Variants in CAB39L observed in about 807,000 individuals in gnomAD.
CAB39L encodes the protein calcium-binding protein 39-like.
CAB39L carries 23 observed loss-of-function variants against 39.1 expected under a neutral mutation model. That is an observed-to-expected ratio of 0.59 (90% CI 0.42 to 0.83). CAB39L has a LOEUF of 0.83. Ranked by LOEUF, CAB39L falls within the 40% of genes least tolerant of loss-of-function variation. The probability of loss-of-function intolerance (pLI) is 0.00; values close to 1 mark genes in which losing one functional copy is unlikely to be tolerated. For missense variants in CAB39L, 366 were observed against 391.9 expected (o/e 0.93, Z 0.56); for synonymous variants, 126 against 137.2 (o/e 0.92, Z 0.57).
At chr13:49,336,440 C>T (rs1954849855) in intron 9 of CAB39L, among the ~76,000 whole-genome samples, 1 of 152,136 alleles carries the variant, frequency 6.6e-6, no homozygotes, top group Non-Finnish European at 1.5e-5. Context: ...GGAGGAATAG[C>T]AGCCAAATGG....
At chr13:49,316,548 G>A (rs1238909655) in intron 10 of CAB39L, among the ~76,000 whole-genome samples, 1 of 152,104 alleles carries the variant, frequency 6.6e-6, no homozygotes, top group Non-Finnish European at 1.5e-5. Flanking sequence ...TATTCTCTAT[G>A]AATAAAAATG....
At chr13:49,355,526 G>A (rs1955460727) in intron 6 of CAB39L, among the ~76,000 whole-genome samples, 1 of 152,106 alleles carries the variant, frequency 6.6e-6, no homozygotes, top group South Asian at 2.1e-4. Context: ...ATCCTTGGTA[G>A]AAATTTCAGG....
At chr13:49,438,176 T>C (rs983000907) in intron 1 of CAB39L, among the ~76,000 whole-genome samples, 2 of 152,036 alleles carry the variant, frequency 1.3e-5, no homozygotes, top group Non-Finnish European at 2.9e-5. Context: ...CACTTCTGAG[T>C]ATGTTTAAGC....
intron 3 of CAB39L, among the ~76,000 whole-genome samples, chr13:49,431,321 G>C (rs1337945089): frequency 6.6e-6 from 1 of 152,150 alleles, no homozygotes; most frequent in Non-Finnish European, 1.5e-5. Flanking sequence ...AAATATTGCT[G>C]AGGAGTATTC....
At position 49,429,075 on chromosome 13, in the gene CAB39L, T is replaced by A. The variant is rs146657536; in HGVS notation, c.-32+4243A>T. On this transcript the variant is annotated intron_variant, in intron 3 of 10. Coordinates refer to ENST00000409308, the MANE Select transcript of CAB39L (RefSeq NM_001079670.3). The stretch of plus-strand genomic sequence containing the variant: ...ATATCCAGACTGTTCATATGTATTC[T>A]TTACAATAGCCTTGAAAGAAAACTA... 2.3e-4 allele frequency among the ~76,000 whole-genome samples: 35 copies of A among 152,336 alleles called. 1 individual carries two copies. In the South Asian group the frequency reaches 2.7e-3, roughly 12 times the overall value.
chr13:49,384,491 T>C (rs529426164), intron 3 of CAB39L, among the ~76,000 whole-genome samples: 1 of 152,320 alleles, frequency 6.6e-6, no homozygotes, highest in Middle Eastern at 3.4e-3. Flanking sequence ...CTTAATGGCA[T>C]CTAGAATGAT....
At chr13:49,391,941 T>C (rs1373068213) in intron 3 of CAB39L, among the ~76,000 whole-genome samples, 1 of 139,320 alleles carries the variant, frequency 7.2e-6, no homozygotes, top group Non-Finnish European at 1.6e-5. Context: ...AACTCTCAAA[T>C]TGGGTTCACA....
chr13:49,384,619 T>G (rs1956319425), intron 3 of CAB39L, among the ~76,000 whole-genome samples: 1 of 152,218 alleles, frequency 6.6e-6, no homozygotes, highest in African/African-American at 2.4e-5. Flanking sequence ...TTAACTTTTA[T>G]TAGAACAATA....
intron 5 of CAB39L, among the ~76,000 whole-genome samples, chr13:49,371,651 C>A (rs1955921823): frequency 6.6e-6 from 1 of 151,984 alleles, no homozygotes; most frequent in African/African-American, 2.4e-5. Context: ...GGCTGGAGTG[C>A]AGTAGCACAA....
chr13:49,322,436 G>A (rs981375888), intron 10 of CAB39L, among the ~76,000 whole-genome samples: 2 of 152,318 alleles, frequency 1.3e-5, no homozygotes, highest in African/African-American at 4.8e-5. Context: ...GCTCATTACA[G>A]TTGCTACTTC....
chr13:49,417,172 C>A (rs1268676055), intron 3 of CAB39L, among the ~76,000 whole-genome samples: 1 of 152,140 alleles, frequency 6.6e-6, no homozygotes, highest in African/African-American at 2.4e-5. Flanking sequence ...AGATAGTGGG[C>A]ACTTTATATT....
chr13:49,409,915 A>C (rs1956955820), intron 3 of CAB39L, among the ~76,000 whole-genome samples: 1 of 151,834 alleles, frequency 6.6e-6, no homozygotes, highest in African/African-American at 2.4e-5. Flanking sequence ...TCTATTTAAA[A>C]AAAAAAAAAA....
intron 10 of CAB39L, among the ~76,000 whole-genome samples, chr13:49,321,357 C>T (rs932208418): frequency 2.0e-5 from 3 of 152,106 alleles, no homozygotes; most frequent in African/African-American, 4.8e-5. Flanking sequence ...ATGAGATGAT[C>T]GCCATTTCAA....
At position 49,373,867 on chromosome 13, in the gene CAB39L, C is replaced by T. The variant is rs116151065; in HGVS notation, c.276+3100G>A. On this transcript the variant is annotated intron_variant, in intron 5 of 10. Coordinates refer to ENST00000409308, the MANE Select transcript of CAB39L (RefSeq NM_001079670.3). ...GTCAGAAGGAATTTTATCAAGCTGT[C>T]AGTAGCTTACATAGATACTTTAGGC... Among the ~76,000 whole-genome samples the T allele has an allele frequency of 4.7e-3, 710 of 152,310 alleles. 13 individuals carry two copies. Among genetic ancestry groups the T allele is most frequent in the African/African-American group, 0.017 (692 of 41,564 alleles).
intron 5 of CAB39L, among the ~76,000 whole-genome samples, chr13:49,372,771 C>A (rs898283078): frequency 2.2e-4 from 34 of 152,048 alleles, no homozygotes; most frequent in Middle Eastern, 3.2e-3. Flanking sequence ...CCTGGGTTCA[C>A]GCCATTCTCC....
chr13:49,366,899 C>T (rs1955790144), intron 5 of CAB39L, among the ~76,000 whole-genome samples: 1 of 151,964 alleles, frequency 6.6e-6, no homozygotes, highest in Admixed American at 6.6e-5. Flanking sequence ...GCCTGTAATC[C>T]CAGCTACTCG....
intron 3 of CAB39L, among the ~76,000 whole-genome samples, chr13:49,411,413 A>G (rs1024578374): frequency 2.0e-5 from 3 of 150,634 alleles, no homozygotes; most frequent in African/African-American, 7.3e-5. Context: ...CTCCTGAGAA[A>G]AAAAAAAAAA....
At chr13:49,353,208 A>G (rs931982046) in intron 6 of CAB39L, among the ~76,000 whole-genome samples, 1 of 152,206 alleles carries the variant, frequency 6.6e-6, no homozygotes, top group Admixed American at 6.5e-5. Context: ...AATTTCTCTT[A>G]TTAGAAAAAC....
intron 5 of CAB39L, among the ~76,000 whole-genome samples, chr13:49,364,735 A>G (rs1445668756): frequency 6.6e-6 from 1 of 152,144 alleles, no homozygotes; most frequent in Non-Finnish European, 1.5e-5. Context: ...TAACTTAACC[A>G]AAGAAGTAAA....
Sources: gnomAD v4.1 joint callset for allele counts (sites outside exome capture counted in the v4.1 genomes callset) on GRCh38, gnomAD v4.1.1 for gene constraint, MANE v1.5 for transcripts, NCBI Gene and HGNC (gene_info 2026-07-23, HGNC 2026-07-21) for gene names.